CSMD1: variants seen among roughly 807,000 people sequenced by gnomAD.
CSMD1 encodes the protein CUB and Sushi multiple domains 1, also known as CUB and sushi domain-containing protein 1.
CSMD1 carries 213 observed loss-of-function variants against 417.5 expected under a neutral mutation model. The ratio of observed to expected loss-of-function variants is 0.51; its 90% confidence interval spans 0.46 to 0.57. CSMD1 has a LOEUF of 0.57. CSMD1 is among the 20% of genes least tolerant of loss of function. The probability of loss-of-function intolerance (pLI) is 0.00; values close to 1 mark genes in which losing one functional copy is unlikely to be tolerated. For synonymous variants in CSMD1, 2,862 were observed against 1,736.8 expected, an observed-to-expected ratio of 1.65 and a Z score of -16.11; for missense variants, 6,923 against 4,529.7, an observed-to-expected ratio of 1.53 and a Z score of -15.17.
intron 3 of CSMD1, among the ~76,000 whole-genome samples, chr8:4,088,774 C>G (rs930823454): frequency 6.6e-6 from 1 of 152,162 alleles, no homozygotes; most frequent in African/African-American, 2.4e-5. Flanking sequence ...ACAGCCTCAG[C>G]TCCCACCCTC....
chr8:4,290,298 G>C (rs181214020), intron 3 of CSMD1, among the ~76,000 whole-genome samples: 8 of 152,198 alleles, frequency 5.3e-5, no homozygotes, highest in African/African-American at 1.4e-4. Context: ...TATGTCTACA[G>C]ATGTGAAATT....
At chr8:3,957,061 C>CA (rs990527871) in intron 5 of CSMD1, among the ~76,000 whole-genome samples, 3 of 149,928 alleles carry the variant, frequency 2.0e-5, no homozygotes, top group African/African-American at 7.3e-5. Flanking sequence ...ACGTAGGAGA[C>CA]AAAAACGCCG....
chr8:4,383,005 C>T (rs574302741), intron 3 of CSMD1, among the ~76,000 whole-genome samples: 17 of 152,268 alleles, frequency 1.1e-4, no homozygotes, highest in Admixed American at 7.2e-4. Context: ...TGTATATCAG[C>T]GCCTTCAGTA....
In CSMD1 at chr8:3,707,865, C is replaced by T. The variant is rs140569774; in HGVS notation, c.1009+549G>A. ...CCAAAATGGCAGGTGTGGGAGACACCTTCATTCCTCCCACAGCTATTGATC... is the reference window on the plus strand; with the variant it reads ...CCAAAATGGCAGGTGTGGGAGACACTTTCATTCCTCCCACAGCTATTGATC... On this transcript the variant is annotated intron_variant, in intron 7 of 69. Transcript: ENST00000635120. Among the ~76,000 whole-genome samples the T allele has an allele frequency of 2.0e-5, 3 of 152,292 alleles. No homozygotes were observed. The East Asian group carries it at 5.8e-4, about 29-fold the overall frequency.
intron 2 of CSMD1, among the ~76,000 whole-genome samples, chr8:4,519,365 C>G (rs901503956): frequency 6.6e-6 from 1 of 151,836 alleles, no homozygotes; most frequent in South Asian, 2.1e-4. Flanking sequence ...AGAAAAGAAT[C>G]AAAATGAAAA....
intron 6 of CSMD1, among the ~76,000 whole-genome samples, chr8:3,751,621 C>T (rs960712467): frequency 1.3e-5 from 2 of 151,024 alleles, no homozygotes; most frequent in Admixed American, 6.6e-5. Flanking sequence ...CTATATAATA[C>T]TTTCATTAAT....
chr8:4,043,262 A>G (rs1050329538), intron 3 of CSMD1, among the ~76,000 whole-genome samples: 5 of 152,218 alleles, frequency 3.3e-5, no homozygotes, highest in Admixed American at 2.0e-4. Context: ...CTAGCATAGG[A>G]GATAAAACGA....
At chr8:3,759,542 G>A (rs116604517) in intron 5 of CSMD1, among the ~76,000 whole-genome samples, 2 of 151,830 alleles carry the variant, frequency 1.3e-5, no homozygotes, top group African/African-American at 4.8e-5. Context: ...AGAGATTATG[G>A]GGCAAATGGT....
chr8:3,003,884 C>T (rs2128957688), intron 52 of CSMD1, among the ~76,000 whole-genome samples: 1 of 152,280 alleles, frequency 6.6e-6, no homozygotes, highest in African/African-American at 2.4e-5. Flanking sequence ...ATTTTTAAAG[C>T]ATCTGTTAAA....
rs1489656058 is a variant in CSMD1, at chr8:2,975,803, A to G, written c.8567-1179T>C. Among the ~76,000 whole-genome samples the G allele has an allele frequency of 6.6e-5, 10 of 152,222 alleles. 1 individual carries two copies. Among genetic ancestry groups the G allele is most frequent in the Admixed American group, 6.5e-4 (10 of 15,286 alleles). The stretch of plus-strand genomic sequence containing the variant: ...CACCCTGAGATCTTTGGATTCCCAA[A>G]GTGACGACAATTCCAACTGTTAATG... On this transcript the variant is annotated intron_variant, in intron 55 of 69. Transcript: ENST00000635120.
intron 3 of CSMD1, among the ~76,000 whole-genome samples, chr8:4,334,949 C>T (rs147654460): frequency 5.9e-5 from 9 of 152,234 alleles, no homozygotes; most frequent in African/African-American, 2.2e-4. Context: ...TTGCTACATC[C>T]TCACATGACA....
chr8:3,045,462 C>T (rs1217199698), intron 50 of CSMD1, among the ~76,000 whole-genome samples: 2 of 152,154 alleles, frequency 1.3e-5, no homozygotes, highest in Non-Finnish European at 2.9e-5. Context: ...CAAAACCGTT[C>T]TATTGATTGA....
chr8:3,800,848 A>C (rs1471021935), intron 5 of CSMD1, among the ~76,000 whole-genome samples: 2 of 152,104 alleles, frequency 1.3e-5, no homozygotes. Context: ...GACACAGCAC[A>C]AAAGCCCTCA....
chr8:4,264,378 G>T (rs1404883842), intron 3 of CSMD1, among the ~76,000 whole-genome samples: 2 of 152,118 alleles, frequency 1.3e-5, no homozygotes, highest in Non-Finnish European at 2.9e-5. Context: ...CTTTTTAGAA[G>T]ATAATACAAG....
Position 4,411,860 on chromosome 8 carries a change from G to T in CSMD1, c.415+8093C>A, listed in dbSNP as rs115934252. ...ATTTTTACCAAAATGGAATTATGTTGCATTTTTTTTCACTTTAATGTACCA... is the reference window on the plus strand; with the variant it reads ...ATTTTTACCAAAATGGAATTATGTTTCATTTTTTTTCACTTTAATGTACCA... On this transcript the variant is annotated intron_variant, in intron 3 of 69. Coordinates refer to ENST00000635120, the MANE Select transcript of CSMD1 (RefSeq NM_033225.6). 6.1e-3 allele frequency among the ~76,000 whole-genome samples: 923 copies of T among 152,130 alleles called. 11 individuals carry two copies. The highest frequency in any genetic ancestry group is 0.021 in the African/African-American group (865 of 41,478).
At chr8:4,074,343 G>A (rs368097833) in intron 3 of CSMD1, among the ~76,000 whole-genome samples, 3 of 152,192 alleles carry the variant, frequency 2.0e-5, no homozygotes, top group East Asian at 1.9e-4. Flanking sequence ...GCATCTGAAT[G>A]TAAAATGTAG....
intron 3 of CSMD1, among the ~76,000 whole-genome samples, chr8:4,093,131 A>C (rs1217273837): frequency 6.6e-6 from 1 of 152,216 alleles, no homozygotes; most frequent in African/African-American, 2.4e-5. Context: ...TCCAGCCATA[A>C]ATTATACAAG....
intron 2 of CSMD1, among the ~76,000 whole-genome samples, chr8:4,426,694 T>C (rs1024468114): frequency 1.0e-4 from 15 of 147,198 alleles, no homozygotes; most frequent in East Asian, 2.0e-4. Context: ...GTAATATTTT[T>C]ATTATATAAT....
intron 5 of CSMD1, among the ~76,000 whole-genome samples, chr8:3,965,498 T>G (rs936924190): frequency 1.3e-5 from 2 of 152,140 alleles, no homozygotes; most frequent in African/African-American, 4.8e-5. Context: ...CAAAGTAAAG[T>G]TGAAAAACTA....
Sources: allele counts gnomAD v4.1 joint callset (sites outside exome capture counted in the v4.1 genomes callset), GRCh38; gene constraint gnomAD v4.1.1; transcripts MANE v1.5; gene names NCBI Gene and HGNC (gene_info 2026-07-23, HGNC 2026-07-21).